P2RX6: variants seen among roughly 807,000 people sequenced by gnomAD.
The protein encoded by P2RX6 is P2X purinoceptor 6.
P2RX6 carries 62 observed loss-of-function variants against 54.2 expected under a neutral mutation model. The ratio of observed to expected loss-of-function variants is 1.14; its 90% CI spans 0.93 to 1.41. P2RX6 has a LOEUF of 1.41. Ranked by LOEUF, P2RX6 falls within the 40% of genes most tolerant of loss-of-function variation. The probability of loss-of-function intolerance (pLI) is 0.00; values close to 1 mark genes in which losing one functional copy is unlikely to be tolerated. For synonymous variants in P2RX6, 211 were observed against 231.9 expected, an observed-to-expected ratio of 0.91 and a Z score of 0.82; for missense variants, 541 against 566.3, an observed-to-expected ratio of 0.96 and a Z score of 0.45.
At chr22:21,022,632 G>A (rs1369305745) in intron 3 of P2RX6, 44 bp from the exon 4 acceptor site, 1 of 1,386,964 alleles carries the variant, frequency 7.2e-7, no homozygotes, top group Non-Finnish European at 9.7e-7. Context: ...GTGGAGGGGA[G>A]ACATCCCCTG....
In P2RX6 at chr22:21,026,367, CCA is replaced by C. The variant is rs767666462; in HGVS notation, c.1128+42_1128+43del. ...CGCTCTGCTTGGACCCTGGGTTCTG[CCA>C]CACTTAGGAAGATGTTGGCTGGATC... On this transcript the variant is annotated intron_variant, in intron 11 of 11. Transcript: ENST00000413302. This position sits in a 1 kb window ranked among gnomAD's most constrained non-coding sequence, Gnocchi z 4.0. 5.6e-5 allele frequency: 89 copies of C among 1,588,086 alleles called. No homozygotes were observed. The highest frequency in any genetic ancestry group is 3.3e-4 in the Middle Eastern group (2 of 6,048).
chr22:21,018,339 AC>A (rs111481701), intron 3 of P2RX6: 5 of 430,718 alleles, frequency 1.2e-5, no homozygotes, highest in African/African-American at 8.1e-5. Flanking sequence ...GGGTGACAGG[AC>A]CCCGAGCTCT....
rs753188627 is a variant in P2RX6, at chr22:21,026,281, G to A, written c.1080G>A (p.Leu360=). 1 of 1,606,366 alleles carries A rather than the reference G, an allele frequency of 6.2e-7. No homozygotes were observed. The highest frequency in any genetic ancestry group is 1.7e-5 in the Admixed American group (1 of 58,690). Residue 360 remains leucine (L), a synonymous_variant, in exon 11 of 12, where the codon CTG becomes CTA. Transcript: ENST00000413302. This position sits in a 1 kb window ranked among gnomAD's most constrained non-coding sequence, Gnocchi z 4.0. ...VVTFFCDLLL[L]YVDREAHFYW... ...CCTTTTTCTGTGACCTGCTACTGCT[G>A]TATGTGGATAGAGAAGCCCATTTCT...
chr22:21,021,653 A>G (rs977735174), intron 3 of P2RX6, among the ~76,000 whole-genome samples: 2 of 151,826 alleles, frequency 1.3e-5, no homozygotes, highest in Non-Finnish European at 2.9e-5. Flanking sequence ...GCTGCCCCTG[A>G]GCTGAGTGCC....
Position 21,023,556 on chromosome 22 carries a change from C to T in P2RX6, c.828C>T (p.Thr276=), listed in dbSNP as rs777479838. 54 of 1,613,508 alleles carry T rather than the reference C, an allele frequency of 3.3e-5. No individual in the cohort carries two copies. The South Asian group carries it at 4.9e-4, about 15-fold the overall frequency. Residue 276 remains threonine, a synonymous_variant, in exon 8 of 12, where the codon ACC becomes ACT. Coordinates refer to ENST00000413302, the MANE Select transcript of P2RX6 (RefSeq NM_005446.5). ...TTCACTGGGATTGTGACCTGGACAC[C>T]GGGGACTCTGGCTGCTGGCCTCACT... ...IRVHWDCDLD[T]GDSGCWPHYS... is the part of the protein sequence containing the mutation.
At position 21,026,072 on chromosome 22, in the gene P2RX6, G is replaced by A. The variant is rs369700306; in HGVS notation, c.1046G>A (p.Gly349Asp). The stretch of plus-strand genomic sequence containing the variant: ...CTGGGCACCGGGGCAGCTTGGCTGG[G>A]CGTGGTGAGTGCGAGCACTGTGGGC... Reference protein sequence around the residue: ...VTLGTGAAWLGVVTFFCDLLL... With the variant: ...VTLGTGAAWLDVVTFFCDLLL... Residue 349 changes from glycine to aspartate, a missense_variant, in exon 10 of 12, where the codon GGC becomes GAC. Gly to Asp is a moderately conservative substitution (Grantham distance 94). Transcript: ENST00000413302. The surrounding 1 kb of genome is among the most constrained non-coding windows in gnomAD (Gnocchi z 4.0). 6.2e-7 allele frequency: 1 copy of A among 1,610,158 alleles called. No homozygotes were observed. The highest frequency in any genetic ancestry group is 8.5e-7 in the Non-Finnish European group (1 of 1,178,762).
In P2RX6 at chr22:21,026,256, C is replaced by T. The variant is rs1340116880; in HGVS notation, c.1055C>T (p.Thr352Ile). Residue 352 changes from threonine (T) to isoleucine (I), a missense_variant, in exon 11 of 12, where the codon ACC (threonine) becomes ATC (isoleucine). Physicochemically the swap from Thr to Ile is moderately conservative, Grantham distance 89. This residue lies in a region of P2RX6 where 526 missense variants were observed against 531.5 expected (regional missense o/e 0.99). Coordinates refer to ENST00000413302, the MANE Select transcript of P2RX6 (RefSeq NM_005446.5). This position sits in a 1 kb window ranked among gnomAD's most constrained non-coding sequence, Gnocchi z 4.0. ...GTGAAWLGVV[T>I]FFCDLLLLYV... ...GGTTGGCCCTGCCTCTCCCAGGTCA[C>T]CTTTTTCTGTGACCTGCTACTGCTG... 6.3e-7 allele frequency: 1 copy of T among 1,596,204 alleles called. No homozygotes were observed. Among genetic ancestry groups the T allele is most frequent in the East Asian group, 2.3e-5 (1 of 44,352 alleles).
At chr22:21,022,003 T>C (rs1019528133) in intron 3 of P2RX6, among the ~76,000 whole-genome samples, 1 of 152,164 alleles carries the variant, frequency 6.6e-6, no homozygotes, top group Non-Finnish European at 1.5e-5. Context: ...TTCCCTGATC[T>C]GTCATCCAAA....
At chr22:21,010,628 A>G (rs541272198), upstream of P2RX6, among the ~76,000 whole-genome samples, 1 of 152,298 alleles carries the variant, frequency 6.6e-6, no homozygotes, top group East Asian at 1.9e-4. Flanking sequence ...CCAGGGTCAC[A>G]GGTGATTGTT....
At chr22:21,025,400 C>T (rs1372413417) in intron 8 of P2RX6, among the ~76,000 whole-genome samples, 2 of 152,120 alleles carry the variant, frequency 1.3e-5, no homozygotes, top group African/African-American at 4.8e-5. Context: ...CTCCCACCCA[C>T]ATCCTGTTCC....
In P2RX6 at chr22:21,025,844, C is replaced by T; in HGVS notation, c.930C>T (p.Ala310=). 6.4e-7 allele frequency: 1 copy of T among 1,568,160 alleles called. No individual in the cohort carries two copies. The highest frequency in any genetic ancestry group is 8.6e-7 in the Non-Finnish European group (1 of 1,156,956). Residue 310 remains alanine, a synonymous_variant, in exon 9 of 12, where the codon GCC becomes GCT. Transcript: ENST00000413302. ...GGTGGGAGCAACCGGGTGTGGAGGC[C>T]CGCACCCTGCTCAAGCTCTATGGAA... is the stretch of plus-strand genomic sequence containing the variant. The part of the protein sequence containing the change: ...THWWEQPGVE[A]RTLLKLYGIR...
rs369709659 is a variant in P2RX6, at chr22:21,026,401, C to T, written c.1129-19C>T. 1.1e-5 allele frequency: 17 copies of T among 1,592,256 alleles called. 1 individual carries two copies. The highest frequency in any genetic ancestry group is 8.0e-5 in the South Asian group (7 of 87,232). ...GGAAGATGTTGGCTGGATCCCTGAC[C>T]TGCTGTCCTCATCTGCAGGCCAAGG... On this transcript the variant is annotated intron_variant, in intron 11 of 11. Transcript: ENST00000413302. This position sits in a 1 kb window ranked among gnomAD's most constrained non-coding sequence, Gnocchi z 4.0.
intron 8 of P2RX6, among the ~76,000 whole-genome samples, chr22:21,023,958 TG>T (rs1339296432): frequency 4.9e-5 from 6 of 123,538 alleles, no homozygotes; most frequent in East Asian, 6.0e-4. Context: ...CCTTCAGCTT[TG>T]TTTTTTTTTT....
rs758666894 is a variant in P2RX6 at position 21,022,661 on chromosome 22, T to C, written c.388-15T>C. 3 of 1,510,890 alleles carry C rather than the reference T, an allele frequency of 2.0e-6. No individual in the cohort carries two copies. Among genetic ancestry groups the C allele is most frequent in the Non-Finnish European group, 1.8e-6 (2 of 1,129,002 alleles). The allele number at this position is 1,510,890 out of a possible 1,614,324, so 93.6% of individuals were successfully genotyped here. ...TCCCCTGTGCCATTGGTGACTGCTC[T>C]CTCTCCCACCTCAGCACCCGTCCGT... On this transcript the variant is annotated splice_polypyrimidine_tract_variant and intron_variant, in intron 3 of 11. Coordinates refer to ENST00000413302, the MANE Select transcript of P2RX6 (RefSeq NM_005446.5).
rs1369386036 is a variant in P2RX6, at chr22:21,026,381, A to ATC, written c.1129-38_1129-37insCT. ...CCTGGGTTCTGCCACACTTAGGAAG[A>ATC]TGTTGGCTGGATCCCTGACCTGCTG... is the stretch of plus-strand genomic sequence containing the variant. On this transcript the variant is annotated intron_variant, in intron 11 of 11. Coordinates refer to ENST00000413302, the MANE Select transcript of P2RX6 (RefSeq NM_005446.5). The surrounding 1 kb of genome is among the most constrained non-coding windows in gnomAD (Gnocchi z 4.0). 1.5e-5 allele frequency: 24 copies of ATC among 1,587,954 alleles called. No individual in the cohort carries two copies. Among genetic ancestry groups the ATC allele is most frequent in the Non-Finnish European group, 1.9e-5 (22 of 1,167,070 alleles).
chr22:21,025,977 G>A lies in P2RX6; in HGVS notation c.985-34G>A, dbSNP rs562288630. On this transcript the variant is annotated intron_variant, in intron 9 of 11. Coordinates refer to ENST00000413302, the MANE Select transcript of P2RX6 (RefSeq NM_005446.5). ...TGGAGGAGGCATGAGGCTGACAGTC[G>A]TGGGCTGAGAGGTTCAGCTCAGATC... The A allele has an allele frequency of 7.5e-6, 12 of 1,597,822 alleles. No homozygotes were observed. The East Asian group carries it at 1.1e-4, about 15-fold the overall frequency.
Position 21,026,052 on chromosome 22 carries a change from C to T in P2RX6, c.1026C>T (p.Gly342=). Residue 342 remains glycine (G), a synonymous_variant, in exon 10 of 12, where the codon GGC becomes GGT. Transcript: ENST00000413302. The surrounding 1 kb of genome is among the most constrained non-coding windows in gnomAD (Gnocchi z 4.0). ...FGLIPTAVTL[G]TGAAWLGVVT... ...TCATCCCCACGGCCGTCACACTGGG[C>T]ACCGGGGCAGCTTGGCTGGGCGTGG... 2 of 1,611,846 alleles carry T rather than the reference C, an allele frequency of 1.2e-6. No individual in the cohort carries two copies. Among genetic ancestry groups the T allele is most frequent in the Non-Finnish European group, 8.5e-7 (1 of 1,179,290 alleles).
intron 8 of P2RX6, among the ~76,000 whole-genome samples, chr22:21,024,893 T>C (rs554070598): frequency 8.7e-4 from 130 of 149,202 alleles, no homozygotes; most frequent in South Asian, 7.1e-3. Context: ...TTTTTTTTTT[T>C]TTTTTAGATG....
chr22:21,013,407 C>A (rs1035504606), upstream of P2RX6, among the ~76,000 whole-genome samples: 5 of 152,210 alleles, frequency 3.3e-5, no homozygotes, highest in Non-Finnish European at 5.9e-5. Flanking sequence ...AGCTGGACAA[C>A]CTGGGCAACA....
Sources: gnomAD v4.1 joint callset for allele counts (sites outside exome capture counted in the v4.1 genomes callset) on GRCh38, gnomAD v4.1.1 for gene constraint, gnomAD v4.1.1 regional missense constraint, Gnocchi (gnomAD v3.1) non-coding constraint, MANE v1.5 for transcripts, NCBI Gene and HGNC (gene_info 2026-07-23, HGNC 2026-07-21) for gene names.